KSR2: variants seen among roughly 807,000 people sequenced by gnomAD.
The protein encoded by KSR2 is kinase suppressor of ras 2.
In KSR2, 25 loss-of-function variants were observed where a neutral mutation model predicts 107.8. The observed-to-expected ratio is 0.23, with a 90% CI of 0.17 to 0.32. The LOEUF is 0.32. Ranked by LOEUF, KSR2 falls within the 10% of genes least tolerant of loss-of-function variation. The pLI, the probability that KSR2 is intolerant of heterozygous loss-of-function variation, is 1.00. For missense variants in KSR2, 887 were observed against 1,268.9 expected (o/e 0.70, Z 4.57); for synonymous variants, 480 against 507.0 (o/e 0.95, Z 0.71).
chr12:117,830,606 T>A lies in KSR2; in HGVS notation c.472+24822A>T, dbSNP rs558385768. Among the ~76,000 whole-genome samples, 3 of 152,262 alleles carry A rather than the reference T, an allele frequency of 2.0e-5. No homozygotes were observed. In the South Asian group the frequency reaches 6.2e-4, roughly 32 times the overall value. On this transcript the variant is annotated intron_variant, in intron 3 of 19. Transcript: ENST00000339824. ...GGAGAGAGAGAAAGAATATACCATC[T>A]CCTAAGAAAGCCTGCGTCATTTCCA...
chr12:117,558,658 G>T, intron 7 of KSR2, 85 bp from the exon 8 acceptor site: 1 of 893,286 alleles, frequency 1.1e-6, no homozygotes, highest in Non-Finnish European at 1.9e-6. Context: ...TGGATGGATG[G>T]GTGGATGGGT....
chr12:117,582,230 A>G (rs902326610), intron 6 of KSR2, 60 bp downstream of exon 6: 18 of 1,434,132 alleles, frequency 1.3e-5, no homozygotes, highest in Non-Finnish European at 1.7e-5. Context: ...CAGGGGCCAG[A>G]GCCCCCACCC....
At chr12:117,911,675 CTT>C (rs1895018273) in intron 1 of KSR2, among the ~76,000 whole-genome samples, 1 of 152,014 alleles carries the variant, frequency 6.6e-6, no homozygotes, top group Non-Finnish European at 1.5e-5. Flanking sequence ...TGATCAGAAA[CTT>C]AACTCCTTGA....
intron 1 of KSR2, among the ~76,000 whole-genome samples, chr12:117,953,267 G>A (rs1025038718): frequency 6.6e-6 from 1 of 152,174 alleles, no homozygotes; most frequent in Non-Finnish European, 1.5e-5. Context: ...AAACATTATG[G>A]TGGTTCCTCA....
intron 3 of KSR2, among the ~76,000 whole-genome samples, chr12:117,841,133 A>G (rs537221561): frequency 2.6e-5 from 4 of 152,206 alleles, no homozygotes; most frequent in Non-Finnish European, 5.9e-5. Flanking sequence ...AATCAGGGAA[A>G]TAATTAGAGA....
rs1016394838 is a variant in KSR2 at position 117,729,374 on chromosome 12, G to T, written c.986+31637C>A. On this transcript the variant is annotated intron_variant, in intron 4 of 19. Coordinates refer to ENST00000339824, the MANE Select transcript of KSR2 (RefSeq NM_173598.6). ...AATATTAGTTGCATACGACAACAGG[G>T]TATTAGTAATGTTCAGAGTCTAAAT... Among the ~76,000 whole-genome samples the T allele has an allele frequency of 4.6e-5, 7 of 152,232 alleles. 1 individual carries two copies. In the East Asian group the frequency reaches 1.3e-3, roughly 29 times the overall value.
At chr12:117,601,295 T>TGGG (rs5801243) in intron 5 of KSR2, among the ~76,000 whole-genome samples, 2,849 of 133,268 alleles carry the variant, frequency 0.021, 50 homozygotes, top group African/African-American at 0.039. Flanking sequence ...TCCAAGATCT[T>TGGG]GGGGGGGGGG....
intron 1 of KSR2, among the ~76,000 whole-genome samples, chr12:117,936,741 C>G (rs924042852): frequency 6.6e-6 from 1 of 152,096 alleles, no homozygotes; most frequent in African/African-American, 2.4e-5. Context: ...GTCTGTCTCC[C>G]CCACCTAGAA....
At chr12:117,835,347 C>G (rs190387135) in intron 3 of KSR2, among the ~76,000 whole-genome samples, 2 of 152,244 alleles carry the variant, frequency 1.3e-5, no homozygotes, top group East Asian at 3.9e-4. Context: ...GGTGGTATAT[C>G]ACGGTTCCTC....
At chr12:117,799,230 G>A (rs963388098) in intron 3 of KSR2, among the ~76,000 whole-genome samples, 21 of 152,186 alleles carry the variant, frequency 1.4e-4, no homozygotes, top group African/African-American at 4.8e-4. Flanking sequence ...GGCTGGGCGC[G>A]GTGGCTCACG....
intron 1 of KSR2, among the ~76,000 whole-genome samples, chr12:117,957,343 A>G (rs548229937): frequency 6.6e-6 from 1 of 152,336 alleles, no homozygotes; most frequent in East Asian, 1.9e-4. Flanking sequence ...AGGACATTCC[A>G]AGCATCACAG....
intron 1 of KSR2, among the ~76,000 whole-genome samples, chr12:117,862,008 T>C (rs905547271): frequency 3.3e-5 from 5 of 151,896 alleles, no homozygotes; most frequent in Middle Eastern, 3.4e-3. Context: ...TATTTCTTTA[T>C]ATACATTTTT....
chr12:117,965,029 C>G (rs1896750120), intron 1 of KSR2, among the ~76,000 whole-genome samples: 1 of 152,218 alleles, frequency 6.6e-6, no homozygotes, highest in African/African-American at 2.4e-5. Context: ...TAAGCCGATC[C>G]TGGTGGTGGT....
At chr12:117,724,337 T>G (rs1032118999) in intron 4 of KSR2, among the ~76,000 whole-genome samples, 4 of 136,914 alleles carry the variant, frequency 2.9e-5, no homozygotes, top group African/African-American at 5.4e-5. Flanking sequence ...AAAAGAAAAA[T>G]AACATATATC....
At chr12:117,476,654 C>T in intron 16 of KSR2, 59 bp from the exon 17 acceptor site, 3 of 1,532,126 alleles carry the variant, frequency 2.0e-6, no homozygotes, top group Non-Finnish European at 2.6e-6. Flanking sequence ...ACCAGTCCCC[C>T]TGGCACTGAC....
intron 5 of KSR2, among the ~76,000 whole-genome samples, chr12:117,630,891 G>A (rs1353511960): frequency 6.6e-6 from 1 of 152,118 alleles, no homozygotes; most frequent in Non-Finnish European, 1.5e-5. Flanking sequence ...AAAGGACAAT[G>A]GTACTGTTTC....
intron 7 of KSR2, 66 bp from the exon 8 acceptor site, chr12:117,558,639 G>T: frequency 8.6e-7 from 1 of 1,164,520 alleles, no homozygotes; most frequent in Non-Finnish European, 1.3e-6. Context: ...AGGTGGGTGG[G>T]TGGATGAATG....
At chr12:117,517,136 C>T (rs147353847) in intron 14 of KSR2, among the ~76,000 whole-genome samples, 5 of 152,172 alleles carry the variant, frequency 3.3e-5, no homozygotes, top group Admixed American at 6.5e-5. Context: ...TCCCCCCATA[C>T]GTGGAGAAAA....
chr12:117,604,628 C>T (rs1881131550), intron 5 of KSR2, among the ~76,000 whole-genome samples: 1 of 152,122 alleles, frequency 6.6e-6, no homozygotes. Flanking sequence ...TCTCCATCTA[C>T]CCACAGTTTT....
Sources: gnomAD v4.1 joint callset for allele counts (sites outside exome capture counted in the v4.1 genomes callset) on GRCh38, gnomAD v4.1.1 for gene constraint, MANE v1.5 for transcripts, NCBI Gene and HGNC (gene_info 2026-07-23, HGNC 2026-07-21) for gene names.